ERICH1: variants seen among roughly 807,000 people sequenced by gnomAD.
ERICH1 encodes the protein glutamate rich 1, also known as glutamate-rich protein 1.
In ERICH1, 56 loss-of-function variants were observed where a neutral mutation model predicts 39.6. That is an observed-to-expected ratio of 1.41 (90% CI 1.14 to 1.77). The LOEUF (loss-of-function observed/expected upper bound fraction) is 1.77. Ranked by LOEUF, ERICH1 falls within the 40% of genes most tolerant of loss-of-function variation. The pLI, the probability that ERICH1 is intolerant of heterozygous loss-of-function variation, is 0.00. For synonymous variants in ERICH1, 313 were observed against 223.6 expected (o/e 1.40, Z -3.57); for missense variants, 826 against 575.4 (o/e 1.44, Z -4.45).
intron 3 of ERICH1, among the ~76,000 whole-genome samples, chr8:629,133 G>A (rs542479884): frequency 2.0e-5 from 3 of 152,222 alleles, no homozygotes; most frequent in East Asian, 3.9e-4. Context: ...GTCACATGAC[G>A]ATCACACATG....
At chr8:615,728 C>G (rs544296292) in intron 3 of ERICH1, 1 of 154,202 alleles carries the variant, frequency 6.5e-6, no homozygotes, top group Non-Finnish European at 1.4e-5. Context: ...GAGGTTTACT[C>G]GAGTGAGAAT....
chr8:653,414 G>A, intron 3 of ERICH1, among the ~76,000 whole-genome samples: 1 of 152,232 alleles, frequency 6.6e-6, no homozygotes, highest in Non-Finnish European at 1.5e-5. Context: ...CGTCAACCAT[G>A]CGTAGACTGC....
At chr8:706,457 G>C (rs887961096) in intron 2 of ERICH1, among the ~76,000 whole-genome samples, 2 of 152,088 alleles carry the variant, frequency 1.3e-5, no homozygotes, top group Non-Finnish European at 2.9e-5. Flanking sequence ...TCTACGTCCT[G>C]TAAGTACTGG....
intron 3 of ERICH1, among the ~76,000 whole-genome samples, chr8:617,298 C>G (rs1389736677): frequency 1.3e-5 from 2 of 152,170 alleles, no homozygotes; most frequent in Admixed American, 6.5e-5. Context: ...TTCAGGGCAG[C>G]TCAGAGGATG....
At chr8:722,205 G>C (rs1248705840) in intron 1 of ERICH1, among the ~76,000 whole-genome samples, 1 of 151,506 alleles carries the variant, frequency 6.6e-6, no homozygotes, top group African/African-American at 2.4e-5. Context: ...AAAAGGCAGA[G>C]GACGGAGTGT....
intron 2 of ERICH1, among the ~76,000 whole-genome samples, chr8:706,572 G>A (rs561673612): frequency 3.2e-4 from 48 of 152,232 alleles, no homozygotes; most frequent in Non-Finnish European, 5.6e-4. Context: ...TCGGGAGTTC[G>A]AGACCAGCCT....
chr8:716,998 C>G (rs1008402139), intron 1 of ERICH1, among the ~76,000 whole-genome samples: 2 of 152,198 alleles, frequency 1.3e-5, no homozygotes, highest in East Asian at 3.9e-4. Flanking sequence ...TGGGTTTCCA[C>G]GCAACGCTCA....
At chr8:687,772 G>A (rs970748386) in intron 3 of ERICH1, among the ~76,000 whole-genome samples, 2 of 152,108 alleles carry the variant, frequency 1.3e-5, no homozygotes, top group South Asian at 2.1e-4. Context: ...GGCCCTAGCC[G>A]AGGCCGTAGT....
At chr8:656,053 TC>T (rs1435964293) in intron 3 of ERICH1, among the ~76,000 whole-genome samples, 7 of 152,024 alleles carry the variant, frequency 4.6e-5, no homozygotes, top group Non-Finnish European at 7.4e-5. Flanking sequence ...CCTCAAGACT[TC>T]CCCAAATCAG....
intron 4 of ERICH1, among the ~76,000 whole-genome samples, chr8:670,147 A>G (rs1366940305): frequency 1.3e-5 from 2 of 151,690 alleles, no homozygotes; most frequent in African/African-American, 2.4e-5. Flanking sequence ...ACCAACTCTC[A>G]TTTGCTGTTT....
At chr8:699,721 A>G (rs1811271570) in intron 2 of ERICH1, among the ~76,000 whole-genome samples, 1 of 147,338 alleles carries the variant, frequency 6.8e-6, no homozygotes, top group African/African-American at 2.7e-5. Flanking sequence ...GCACACGTGC[A>G]CAGACTCACA....
At chr8:636,911 G>A (rs111524793) in intron 3 of ERICH1, among the ~76,000 whole-genome samples, 1,912 of 152,236 alleles carry the variant, frequency 0.013, 33 homozygotes, top group African/African-American at 0.043. Flanking sequence ...CTGCAGGGTC[G>A]GAGGGTTGGT....
At chr8:676,719 G>A (rs928765920) in intron 3 of ERICH1, among the ~76,000 whole-genome samples, 1 of 152,212 alleles carries the variant, frequency 6.6e-6, no homozygotes, top group African/African-American at 2.4e-5. Flanking sequence ...ACGGGCGTCT[G>A]TGCCACGGCC....
chr8:698,549 G>A (rs966871789), intron 2 of ERICH1, among the ~76,000 whole-genome samples: 1 of 152,022 alleles, frequency 6.6e-6, no homozygotes, highest in East Asian at 1.9e-4. Flanking sequence ...CAATTTATGA[G>A]TATTCATTTT....
intron 3 of ERICH1, among the ~76,000 whole-genome samples, chr8:619,183 C>T (rs562372106): frequency 5.9e-5 from 9 of 152,074 alleles, no homozygotes; most frequent in African/African-American, 2.2e-4. Context: ...CTGTGTTGCC[C>T]ACCTCCCAGC....
At chr8:688,636 C>T (rs1478719614) in intron 3 of ERICH1, among the ~76,000 whole-genome samples, 2 of 152,166 alleles carry the variant, frequency 1.3e-5, no homozygotes, top group Non-Finnish European at 2.9e-5. Flanking sequence ...AAAGATGTAG[C>T]TCAGAAAACA....
Position 664,692 on chromosome 8 carries a change from C to G in ERICH1, c.1259-16G>C. 1.3e-6 allele frequency: 2 copies of G among 1,579,580 alleles called. No homozygotes were observed. Among genetic ancestry groups the G allele is most frequent in the Non-Finnish European group, 1.7e-6 (2 of 1,159,124 alleles). On this transcript the variant is annotated splice_polypyrimidine_tract_variant and intron_variant, in intron 5 of 5. Transcript: ENST00000262109. ...CTGGCATGGTCTAGAAAGCAAAAAACACAAAACAAAAAATAAAACAAAGAC... is the reference window on the plus strand; with the variant it reads ...CTGGCATGGTCTAGAAAGCAAAAAAGACAAAACAAAAAATAAAACAAAGAC...
At chr8:655,957 C>A (rs116093246) in intron 3 of ERICH1, among the ~76,000 whole-genome samples, 1,798 of 152,180 alleles carry the variant, frequency 0.012, 32 homozygotes, top group African/African-American at 0.041. Flanking sequence ...CAGGTCCCTC[C>A]CCCTGCCCAG....
chr8:677,269 C>A (rs4735904), intron 3 of ERICH1, among the ~76,000 whole-genome samples: 27,387 of 152,248 alleles, frequency 0.18, 3,003 homozygotes, highest in Middle Eastern at 0.34. Flanking sequence ...TGGATGTAGA[C>A]ACCCCCCAGC....
Sources: gnomAD v4.1 joint callset for allele counts (sites outside exome capture counted in the v4.1 genomes callset) on GRCh38, gnomAD v4.1.1 for gene constraint, MANE v1.5 for transcripts, NCBI Gene and HGNC (gene_info 2026-07-23, HGNC 2026-07-21) for gene names.